TOMT: variants seen among roughly 807,000 people sequenced by gnomAD.
TOMT encodes transmembrane O-methyltransferase.
Under a neutral mutation model 21.7 loss-of-function variants are expected in TOMT, and 23 were observed. That is an observed-to-expected ratio of 1.06 (90% CI 0.76 to 1.50). The LOEUF (loss-of-function observed/expected upper bound fraction) is 1.50, where lower values mean the gene tolerates loss of function less well. Ranked by LOEUF, TOMT falls within the 40% of genes most tolerant of loss-of-function variation. The pLI is 0.00. For synonymous variants in TOMT, 132 were observed against 150.8 expected (o/e 0.88, Z 0.91); for missense variants, 331 against 348.7 (o/e 0.95, Z 0.41).
chr11:72,108,804 G>T, exon 3 of TOMT: 1 of 1,550,382 alleles, frequency 6.5e-7, no homozygotes, highest in Non-Finnish European at 8.7e-7. Flanking sequence ...GGTGCACCCC[G>T]CTTCTTGCAG....
exon 3 of TOMT, chr11:72,108,938 G>C: frequency 6.6e-7 from 1 of 1,506,676 alleles, no homozygotes; most frequent in South Asian, 1.3e-5. Context: ...TCCAGGCCCA[G>C]GGGTACTTAC....
chr11:72,105,970 T>A, exon 1 of TOMT: 1 of 1,549,978 alleles, frequency 6.5e-7, no homozygotes, highest in Non-Finnish European at 8.7e-7. Flanking sequence ...TGCCATTGCA[T>A]TGGCCTTCCT....
chr11:72,106,186 T>G, exon 1 of TOMT: 1 of 1,509,986 alleles, frequency 6.6e-7, no homozygotes, highest in Non-Finnish European at 8.9e-7. Context: ...CTGCGAGTAC[T>G]TGAGCCACAT....
exon 3 of TOMT, chr11:72,108,706 A>G: frequency 6.5e-7 from 1 of 1,548,964 alleles, no homozygotes; most frequent in South Asian, 1.2e-5. Flanking sequence ...ACCGGCCACG[A>G]TGTTACCTGA....
intron 2 of TOMT, 110 bp downstream of exon 2, chr11:72,108,229 G>A: frequency 1.0e-6 from 1 of 967,296 alleles, no homozygotes; most frequent in South Asian, 2.1e-5. Flanking sequence ...CCACTCTGGG[G>A]ACTGTGATGC....
chr11:72,107,245 C>A lies in TOMT; in HGVS notation c.260-678C>A. The A allele has an allele frequency of 5.1e-6, 3 of 589,790 alleles. No homozygotes were observed. In the South Asian group the frequency reaches 6.2e-5, roughly 12 times the overall value. 36.5% of individuals were successfully genotyped at this position (589,790 alleles called of 1,614,324 possible). On this transcript the variant is annotated intron_variant, in intron 1 of 2. Coordinates refer to ENST00000541899, the Ensembl canonical transcript of TOMT. The stretch of plus-strand genomic sequence containing the variant: ...TCATGCTACTGCACTCCAGCCTGGG[C>A]AACACAGCAAGACTTGGTCTCAAAA...
chr11:72,108,882 T>C (rs1426442041), exon 3 of TOMT: 1 of 1,549,934 alleles, frequency 6.5e-7, no homozygotes, highest in Non-Finnish European at 8.7e-7. Flanking sequence ...TTCCCTGCCA[T>C]CAAGGATGGA....
exon 1 of TOMT, chr11:72,106,120 G>T: frequency 6.5e-7 from 1 of 1,546,608 alleles, no homozygotes. Context: ...GCTCACCCAT[G>T]CCCTGCCCGG....
At chr11:72,109,092 G>T in exon 3 of TOMT, 1 of 624,244 alleles carries the variant, frequency 1.6e-6, no homozygotes, top group Non-Finnish European at 2.7e-6. Context: ...CTGACCTCAA[G>T]TGTCAAGTTC....
intron 1 of TOMT, chr11:72,107,589 A>G (rs531908794): frequency 1.4e-5 from 10 of 693,826 alleles, no homozygotes; most frequent in Admixed American, 6.1e-5. Context: ...ACAGGTGGGA[A>G]GTACTGAGAG....
chr11:72,109,254 C>A, exon 3 of TOMT: 1 of 467,304 alleles, frequency 2.1e-6, no homozygotes, highest in Admixed American at 2.9e-5. Flanking sequence ...AATCTTCTCT[C>A]TTAACACGAA....
chr11:72,107,160 G>T, intron 1 of TOMT: 1 of 431,044 alleles, frequency 2.3e-6, no homozygotes, highest in Non-Finnish European at 4.1e-6. Flanking sequence ...CCAGCTACTG[G>T]AAATGCTGAG....
At chr11:72,108,453 T>A (rs1945952162) in intron 2 of TOMT, among the ~76,000 whole-genome samples, 152 bp from the exon 3 acceptor site, 2 of 152,230 alleles carry the variant, frequency 1.3e-5, no homozygotes, top group African/African-American at 4.8e-5. Context: ...ATACTGATCC[T>A]GACTTCTTAG....
intron 1 of TOMT, chr11:72,106,786 C>G (rs1469938260): frequency 6.6e-6 from 1 of 151,832 alleles, no homozygotes; most frequent in African/African-American, 2.4e-5. Context: ...ACAAAAAATA[C>G]AAAAATTACC....
At chr11:72,108,516 C>G in intron 2 of TOMT, 89 bp from the exon 3 acceptor site, 5 of 1,212,430 alleles carry the variant, frequency 4.1e-6, no homozygotes, top group Non-Finnish European at 5.5e-6. Context: ...AAGCCAGGAC[C>G]TGGCATGAAG....
rs61741195 is a variant in TOMT at position 72,108,672 on chromosome 11, G to A, written c.524G>A (p.Arg175Gln). ...CTACGCACCCAGTATCAGCTGAGTCGGGCAGACCTGGTGCTCCTGGCACAC... is the reference window on the plus strand; with the variant it reads ...CTACGCACCCAGTATCAGCTGAGTCAGGCAGACCTGGTGCTCCTGGCACAC... The change falls in exon 3 of 3, where the codon CGG (arginine) becomes CAG (glutamine). Residue 175 changes from arginine (R) to glutamine (Q), a missense_variant. Transcript: ENST00000541899. 17,871 of 1,535,518 alleles carry A rather than the reference G, an allele frequency of 0.012. 112 individuals are homozygous for A. Among genetic ancestry groups the A allele is most frequent in the Non-Finnish European group, 0.014 (15,584 of 1,138,520 alleles).
exon 3 of TOMT, chr11:72,108,798 C>A: frequency 6.4e-7 from 1 of 1,550,542 alleles, no homozygotes; most frequent in Non-Finnish European, 8.7e-7. Context: ...TTCCCTGGTG[C>A]ACCCCGCTTC....
intron 1 of TOMT, 185 bp from the exon 2 acceptor site, chr11:72,107,738 C>CTGGTGTGA (rs2135199740): frequency 3.1e-6 from 2 of 635,586 alleles, no homozygotes; most frequent in East Asian, 2.7e-5. Context: ...GATTCCAGGG[C>CTGGTGTGA]TGGTGTGAAG....
In TOMT at chr11:72,108,757, A is replaced by G. The variant is rs1946003033; in HGVS notation, c.609A>G (p.Ala203=). Reference sequence around the variant, plus strand: ...TGGAGGCCCATGCCCTACTGCCAGCAGGTGCCACCGTGCTGGCTGACCATG... The same window carrying G: ...TGGAGGCCCATGCCCTACTGCCAGCGGGTGCCACCGTGCTGGCTGACCATG... Residue 203 remains alanine, a synonymous_variant, in exon 3 of 3, where the codon GCA becomes GCG. Transcript: ENST00000541899. 1 of 1,550,512 alleles carries G rather than the reference A, an allele frequency of 6.4e-7. No individual in the cohort carries two copies. The highest frequency in any genetic ancestry group is 1.2e-5 in the South Asian group (1 of 84,068).
Sources: allele counts gnomAD v4.1 joint callset (sites outside exome capture counted in the v4.1 genomes callset), GRCh38; gene constraint gnomAD v4.1.1; transcripts MANE v1.5; gene names NCBI Gene and HGNC (gene_info 2026-07-23, HGNC 2026-07-21).